MYH7B: variants seen among roughly 807,000 people sequenced by gnomAD.
MYH7B encodes myosin-7B.
A neutral mutation model predicts 234.5 loss-of-function variants in MYH7B; 205 were observed. That is an observed-to-expected ratio of 0.87 (90% CI 0.78 to 0.98). The LOEUF is 0.98. MYH7B is among the 50% of genes least tolerant of loss of function. The pLI is 0.00. For missense variants in MYH7B, 2,652 were observed against 2,633.4 expected (o/e 1.01, Z -0.15); for synonymous variants, 1,193 against 1,105.0 (o/e 1.08, Z -1.58).
exon 32 of MYH7B, chr20:34,997,571 G>T: frequency 6.2e-7 from 1 of 1,613,188 alleles, no homozygotes. Flanking sequence ...AGCTGGAGAA[G>T]GAGAAGAGTG....
chr20:34,999,877 A>G, exon 38 of MYH7B: 2 of 1,613,760 alleles, frequency 1.2e-6, no homozygotes, highest in African/African-American at 1.3e-5. Flanking sequence ...GGAAGCTGGC[A>G]GAGAAAGACG....
intron 2 of MYH7B, among the ~76,000 whole-genome samples, chr20:34,961,993 G>A (rs754851159): frequency 6.6e-6 from 1 of 152,160 alleles, no homozygotes; most frequent in African/African-American, 2.4e-5. Flanking sequence ...AACACTTTGC[G>A]AGGTTGAGGT....
chr20:34,987,726 T>C (rs1024856092), intron 17 of MYH7B, 39 bp from the exon 18 acceptor site: 1 of 1,613,558 alleles, frequency 6.2e-7, no homozygotes, highest in African/African-American at 1.3e-5. Context: ...CAGGGTCCCC[T>C]CCTTGCCAGG....
chr20:34,992,481 A>T (rs917477590), intron 24 of MYH7B, among the ~76,000 whole-genome samples: 8 of 151,896 alleles, frequency 5.3e-5, no homozygotes, highest in African/African-American at 7.3e-5. Context: ...CTTTAAAAAA[A>T]TTTTAAAAAT....
chr20:34,981,061 G>A lies in MYH7B; in HGVS notation c.527+1G>A, dbSNP rs762231855. ...GAGACAACCAGTCCATGCTGATCAC[G>A]TGAGTGTGGGGCTCTGGGGGTGGGG... On this transcript the variant is annotated splice_donor_variant, in intron 9 of 44. Transcript: ENST00000262873. LOFTEE classifies it high-confidence loss of function. 3 of 1,613,934 alleles carry A rather than the reference G, an allele frequency of 1.9e-6. No individual in the cohort carries two copies. Among genetic ancestry groups the A allele is most frequent in the South Asian group, 1.1e-5 (1 of 91,050 alleles).
chr20:34,990,749 C>G (rs2082131266), exon 23 of MYH7B: 5 of 1,614,088 alleles, frequency 3.1e-6, no homozygotes, highest in Non-Finnish European at 3.4e-6. Flanking sequence ...AGAACCTCAA[C>G]AAGCTGATGA....
exon 1 of MYH7B, chr20:34,955,904 C>G (rs554771167): frequency 6.6e-6 from 1 of 152,400 alleles, no homozygotes; most frequent in East Asian, 1.9e-4. Flanking sequence ...AAGGGGCGGT[C>G]GATGAGAGGG....
chr20:34,997,170 G>A (rs1246492663), exon 31 of MYH7B: 1 of 1,550,092 alleles, frequency 6.5e-7, no homozygotes, highest in Non-Finnish European at 8.7e-7. Context: ...TCAAGGAGCT[G>A]CAGGTGCGTG....
intron 10 of MYH7B, among the ~76,000 whole-genome samples, chr20:34,982,789 G>A (rs978411399): frequency 6.6e-6 from 1 of 152,176 alleles, no homozygotes; most frequent in African/African-American, 2.4e-5. Flanking sequence ...ATGGAGGGGT[G>A]GGGCCACGTT....
chr20:34,994,913 T>C (rs1386588721), intron 27 of MYH7B, among the ~76,000 whole-genome samples: 1 of 152,244 alleles, frequency 6.6e-6, no homozygotes, highest in Non-Finnish European at 1.5e-5. Context: ...CACCTGCTAG[T>C]GCAGGAGACT....
chr20:34,996,883 TG>T lies in MYH7B; in HGVS notation c.3266+129del. 2.9e-6 allele frequency: 4 copies of T among 1,396,042 alleles called. No individual in the cohort carries two copies. In the South Asian group the frequency reaches 4.2e-5, roughly 15 times the overall value. 86.5% of individuals were successfully genotyped at this position (1,396,042 alleles called of 1,614,324 possible). On this transcript the variant is annotated intron_variant, in intron 30 of 44. Coordinates refer to ENST00000262873, the Ensembl canonical transcript of MYH7B. Reference sequence around the variant, plus strand: ...GGGTGGGGGTTGACAGATGGGGCACTGGGGTGCAGGGGTAGTGTCTTGCCCT... The same window carrying T: ...GGGTGGGGGTTGACAGATGGGGCACTGGGTGCAGGGGTAGTGTCTTGCCCT...
At chr20:34,980,111 G>A (rs567587969) in intron 7 of MYH7B, 81 of 456,844 alleles carry the variant, frequency 1.8e-4, no homozygotes, top group African/African-American at 1.5e-3. Flanking sequence ...GCAGGGCTGT[G>A]AGCACAAGTC....
At chr20:34,960,317 G>A (rs2081682223) in intron 2 of MYH7B, among the ~76,000 whole-genome samples, 1 of 152,042 alleles carries the variant, frequency 6.6e-6, no homozygotes, top group Admixed American at 6.5e-5. Flanking sequence ...CTCACTGCAA[G>A]CTCCGCCTCC....
rs1428331781 is a variant in MYH7B at position 34,981,047 on chromosome 20, T to C, written c.514T>C (p.Ser172Pro). 2 of 1,613,872 alleles carry C rather than the reference T, an allele frequency of 1.2e-6. No homozygotes were observed. Among genetic ancestry groups the C allele is most frequent in the Non-Finnish European group, 1.7e-6 (2 of 1,179,910 alleles). ...CTTTCCTCCAGACCGAGACAACCAG[T>C]CCATGCTGATCACGTGAGTGTGGGG... is the stretch of plus-strand genomic sequence containing the variant. The change falls in exon 9 of 45, where the codon TCC becomes CCC. Residue 172 changes from serine (S) to proline (P), a missense_variant. Around this residue, in one of 3 missense-constraint regions of MYH7B, gnomAD observed 366 missense variants for 401.2 expected, o/e 0.91. Transcript: ENST00000262873.
At chr20:34,979,795 G>T (rs762473118) in exon 7 of MYH7B, 20 of 1,613,584 alleles carry the variant, frequency 1.2e-5, no homozygotes, top group Non-Finnish European at 1.6e-5. Context: ...ATGCCCGCTG[G>T]ATGATCTATG....
chr20:34,975,336 C>G lies in MYH7B; in HGVS notation c.-221-64C>G, dbSNP rs1600414461. 4 of 532,062 alleles carry G rather than the reference C, an allele frequency of 7.5e-6. No individual in the cohort carries two copies. The East Asian group carries it at 1.2e-4, about 16-fold the overall frequency. 33.0% of individuals were successfully genotyped at this position (532,062 alleles called of 1,614,324 possible). A position where few individuals can be genotyped will look rare whatever the true frequency, so the allele number is the denominator to read the frequency against. ...CCTCCCACCTCAGCCTCCTGAGTAG[C>G]TGAGACTACAGGTGCATGCCACCAT... On this transcript the variant is annotated intron_variant, in intron 2 of 44. Transcript: ENST00000262873.
intron 13 of MYH7B, 100 bp downstream of exon 13, chr20:34,985,229 TG>T: frequency 1.7e-6 from 2 of 1,144,522 alleles, no homozygotes; most frequent in Admixed American, 3.6e-5. Context: ...CTGCCTGCTC[TG>T]GGCACTTCTC....
At chr20:34,999,814 C>A (rs767976429) in exon 38 of MYH7B, 1 of 1,480,678 alleles carries the variant, frequency 6.8e-7, no homozygotes, top group Non-Finnish European at 9.1e-7. Context: ...TGGAGGAGAC[C>A]AAGACGCTGC....
Position 34,977,425 on chromosome 20 carries a change from C to T in MYH7B, c.-121-207C>T, listed in dbSNP as rs563232292. On this transcript the variant is annotated intron_variant, in intron 3 of 44. Coordinates refer to ENST00000262873, the Ensembl canonical transcript of MYH7B. The stretch of plus-strand genomic sequence containing the variant: ...CCTCTTACTGCCTTGTCCCTGTCCC[C>T]GTCAGTCTCTGCACCCAGCCTCCCT... Among the ~76,000 whole-genome samples the T allele has an allele frequency of 2.5e-4, 38 of 152,168 alleles. 1 individual carries two copies. The highest frequency in any genetic ancestry group is 2.0e-4 in the Admixed American group (3 of 15,288).
Sources: gnomAD v4.1 joint callset for allele counts (sites outside exome capture counted in the v4.1 genomes callset) on GRCh38, gnomAD v4.1.1 for gene constraint, gnomAD v4.1.1 regional missense constraint, MANE v1.5 for transcripts, NCBI Gene and HGNC (gene_info 2026-07-23, HGNC 2026-07-21) for gene names.